Variants in STXBP5 observed in about 807,000 individuals in gnomAD.
The protein encoded by STXBP5 is syntaxin-binding protein 5.
In STXBP5, 50 loss-of-function variants were observed where a neutral mutation model predicts 152.4. The observed-to-expected ratio is 0.33, with a 90% CI of 0.26 to 0.42. The LOEUF (loss-of-function observed/expected upper bound fraction) is 0.42. STXBP5 is among the 10% of genes least tolerant of loss of function. The probability of loss-of-function intolerance (pLI) is 1.00; values close to 1 mark genes in which losing one functional copy is unlikely to be tolerated. For missense variants in STXBP5, 1,167 were observed against 1,388.6 expected (o/e 0.84, Z 2.54); for synonymous variants, 492 against 494.7 (o/e 0.99, Z 0.07).
chr6:147,365,140 T>G (rs1161645416), intron 25 of STXBP5, among the ~76,000 whole-genome samples: 1 of 152,180 alleles, frequency 6.6e-6, no homozygotes, highest in East Asian at 1.9e-4. Flanking sequence ...TTGTCCTCGT[T>G]GTGTTATTAT....
rs1165946096 is a variant in STXBP5, at chr6:147,204,756, T to C, written c.150+74T>C. The C allele has an allele frequency of 8.5e-6, 12 of 1,410,704 alleles. No individual in the cohort carries two copies. The highest frequency in any genetic ancestry group is 1.5e-5 in the African/African-American group (1 of 67,580). The allele number at this position is 1,410,704 out of a possible 1,614,324, so 87.4% of individuals were successfully genotyped here. ...TGTTTTAAGGGGGCTACTCGGGCTT[T>C]ACATGGGAATGCAAGGGAAGAGAAC... On this transcript the variant is annotated intron_variant, in intron 1 of 27. Transcript: ENST00000321680. This position sits in a 1 kb window ranked among gnomAD's most constrained non-coding sequence, Gnocchi z 4.3.
chr6:147,308,172 A>T (rs1178342166), intron 9 of STXBP5, among the ~76,000 whole-genome samples: 1 of 152,170 alleles, frequency 6.6e-6, no homozygotes, highest in Admixed American at 6.5e-5. Flanking sequence ...ATTCAGTTGT[A>T]TGTTGCATCT....
intron 2 of STXBP5, among the ~76,000 whole-genome samples, chr6:147,215,793 T>C (rs193036541): frequency 6.6e-6 from 1 of 152,212 alleles, no homozygotes; most frequent in African/African-American, 2.4e-5. Flanking sequence ...TCTGGAATTA[T>C]GATTAGTATA....
chr6:147,320,579 G>GTGTGTGTTTGTGTGTGTGTGTT (rs1554297941), intron 16 of STXBP5, among the ~76,000 whole-genome samples: 1 of 148,958 alleles, frequency 6.7e-6, no homozygotes, highest in Admixed American at 6.7e-5. Flanking sequence ...GTGTGTGTGT[G>GTGTGTGTTTGTGTGTGTGTGTT]TGTGTGTGTG....
intron 16 of STXBP5, among the ~76,000 whole-genome samples, chr6:147,321,368 A>C (rs930313738): frequency 6.6e-6 from 1 of 152,178 alleles, no homozygotes; most frequent in Non-Finnish European, 1.5e-5. Context: ...AAGGGGATTG[A>C]TTGAGACCAG....
rs1345423529 is a variant in STXBP5, at chr6:147,205,952, G to A, written c.151-19G>A. The A allele has an allele frequency of 6.2e-7, 1 of 1,602,348 alleles. No homozygotes were observed. The highest frequency in any genetic ancestry group is 1.1e-5 in the South Asian group (1 of 89,768). ...CGCTTGCTGCCTTGGTTGCTGTGAT[G>A]TCACTTGCCCATCCCTAGACTGTTC... On this transcript the variant is annotated intron_variant, in intron 1 of 27. Coordinates refer to ENST00000321680, the MANE Select transcript of STXBP5 (RefSeq NM_001127715.4).
chr6:147,377,664 T>C (rs1213519743), intron 26 of STXBP5, among the ~76,000 whole-genome samples: 1 of 152,092 alleles, frequency 6.6e-6, no homozygotes, highest in African/African-American at 2.4e-5. Flanking sequence ...GCAAGCTACC[T>C]CTCTGGCCTC....
intron 2 of STXBP5, among the ~76,000 whole-genome samples, chr6:147,220,978 T>C (rs961766946): frequency 2.0e-5 from 3 of 152,144 alleles, no homozygotes; most frequent in African/African-American, 7.2e-5. Flanking sequence ...CTCTTGTGGT[T>C]TTAATTGACC....
chr6:147,304,733 T>A (rs1782003172), intron 9 of STXBP5, among the ~76,000 whole-genome samples: 1 of 152,136 alleles, frequency 6.6e-6, no homozygotes, highest in African/African-American at 2.4e-5. Flanking sequence ...GGAACCCACC[T>A]CTTGCATCAG....
At chr6:147,319,353 T>C (rs1230326382) in intron 16 of STXBP5, among the ~76,000 whole-genome samples, 5 of 152,166 alleles carry the variant, frequency 3.3e-5, no homozygotes, top group Non-Finnish European at 5.9e-5. Context: ...TTAACAAAAG[T>C]AAGTCCAAAA....
At chr6:147,309,709 C>T (rs1195333268) in intron 9 of STXBP5, among the ~76,000 whole-genome samples, 1 of 152,006 alleles carries the variant, frequency 6.6e-6, no homozygotes, top group African/African-American at 2.4e-5. Context: ...TGCCTCAAGG[C>T]ATTAAGATTC....
intron 19 of STXBP5, among the ~76,000 whole-genome samples, chr6:147,338,812 C>T (rs1217272842): frequency 6.6e-6 from 1 of 151,554 alleles, no homozygotes; most frequent in Non-Finnish European, 1.5e-5. Context: ...CTTGGTTCTG[C>T]TAGAGAAACC....
rs896443074 is a variant in STXBP5 at position 147,389,142 on chromosome 6, A to G, written c.*4387A>G. ...AAATGAATGTGAAGATACTGTTTAC[A>G]GCTTTTGTTAATTGCACTTTTCATC... is the stretch of plus-strand genomic sequence containing the variant. On this transcript the variant is annotated 3_prime_UTR_variant, in exon 28 of 28. Coordinates refer to ENST00000321680, the MANE Select transcript of STXBP5 (RefSeq NM_001127715.4). 5.9e-5 allele frequency: 9 copies of G among 151,626 alleles called. No individual in the cohort carries two copies. Among genetic ancestry groups the G allele is most frequent in the African/African-American group, 2.2e-4 (9 of 41,400 alleles). The allele number at this position is 151,626 out of a possible 1,614,324, so 9.4% of individuals were successfully genotyped here.
intron 22 of STXBP5, among the ~76,000 whole-genome samples, chr6:147,357,121 C>G (rs1279933016): frequency 6.6e-6 from 1 of 152,106 alleles, no homozygotes; most frequent in African/African-American, 2.4e-5. Flanking sequence ...TCAGAAATAA[C>G]TACAGAACAA....
At position 147,388,468 on chromosome 6, in the gene STXBP5, T is replaced by C. The variant is rs1441478144; in HGVS notation, c.*3713T>C. On this transcript the variant is annotated 3_prime_UTR_variant, in exon 28 of 28. Coordinates refer to ENST00000321680, the MANE Select transcript of STXBP5 (RefSeq NM_001127715.4). ...AGTTTTAAAATGGAATTTTTATAAA[T>C]GTACTTTAATTTTAAAATGGTGAAC... 18 of 151,682 alleles carry C rather than the reference T, an allele frequency of 1.2e-4. No homozygotes were observed. 9.4% of individuals were successfully genotyped at this position (151,682 alleles called of 1,614,324 possible).
chr6:147,212,625 A>G (rs1468537371), intron 2 of STXBP5, among the ~76,000 whole-genome samples: 8 of 152,020 alleles, frequency 5.3e-5, no homozygotes. Flanking sequence ...CTGTAGAGGG[A>G]TCTTCTGGTT....
chr6:147,308,698 A>G (rs1378610748), intron 9 of STXBP5, among the ~76,000 whole-genome samples: 1 of 152,198 alleles, frequency 6.6e-6, no homozygotes, highest in East Asian at 1.9e-4. Context: ...GTACACAAGC[A>G]CATACATCTA....
chr6:147,299,806 T>TGG (rs1781715286), intron 9 of STXBP5, among the ~76,000 whole-genome samples: 1 of 152,032 alleles, frequency 6.6e-6, no homozygotes, highest in Non-Finnish European at 1.5e-5. Flanking sequence ...AACATAGTAC[T>TGG]GGAAGTCTTA....
chr6:147,217,204 T>G (rs1365409928), intron 2 of STXBP5, among the ~76,000 whole-genome samples: 1 of 152,188 alleles, frequency 6.6e-6, no homozygotes, highest in African/African-American at 2.4e-5. Flanking sequence ...TCTCTTTTTG[T>G]CTTTTGAAAA....
Sources: allele counts gnomAD v4.1 joint callset (sites outside exome capture counted in the v4.1 genomes callset), GRCh38; gene constraint gnomAD v4.1.1; non-coding constraint Gnocchi (gnomAD v3.1); transcripts MANE v1.5; gene names NCBI Gene and HGNC (gene_info 2026-07-23, HGNC 2026-07-21).